The following TMEM132B variants were observed in gnomAD, a reference collection of about 807,000 sequenced individuals.
TMEM132B encodes the protein transmembrane protein 132B.
A neutral mutation model predicts 90.8 loss-of-function variants in TMEM132B; 18 were observed. The ratio of observed to expected loss-of-function variants is 0.20; its 90% CI spans 0.14 to 0.29. The LOEUF is 0.29. Among genes scored for constraint, TMEM132B ranks in the 10% least tolerant of loss-of-function variants. The pLI, the probability that TMEM132B is intolerant of heterozygous loss-of-function variation, is 1.00. For synonymous variants in TMEM132B, 504 were observed against 523.3 expected (o/e 0.96, Z 0.50); for missense variants, 1,096 against 1,326.8 (o/e 0.83, Z 2.70).
chr12:125,593,829 T>A (rs1319431963), intron 5 of TMEM132B, among the ~76,000 whole-genome samples: 1 of 152,200 alleles, frequency 6.6e-6, no homozygotes, highest in Non-Finnish European at 1.5e-5. Context: ...TAGACAACGG[T>A]ATGAATGGAT....
At chr12:125,377,465 T>G (rs1169441595) in intron 2 of TMEM132B, among the ~76,000 whole-genome samples, 1 of 152,126 alleles carries the variant, frequency 6.6e-6, no homozygotes, top group Non-Finnish European at 1.5e-5. Flanking sequence ...TTCCTAAATC[T>G]TGGACACTTC....
At chr12:125,439,814 T>G (rs1880815221) in intron 3 of TMEM132B, among the ~76,000 whole-genome samples, 1 of 152,230 alleles carries the variant, frequency 6.6e-6, no homozygotes, top group African/African-American at 2.4e-5. Flanking sequence ...TTGTCATAGA[T>G]GGCTATTATT....
Position 125,240,510 on chromosome 12 carries a change from C to G in TMEM132B, c.67+53644C>G, listed in dbSNP as rs536902426. ...GAAAAAGCAGAAACAAAAACAAACC[C>G]ACGTGAGCAAAACTTCTGGCCTTAG... On this transcript the variant is annotated intron_variant, in intron 1 of 8. Transcript: ENST00000682704. Among the ~76,000 whole-genome samples the G allele has an allele frequency of 3.3e-5, 5 of 152,212 alleles. No homozygotes were observed. The South Asian group carries it at 1.0e-3, about 32-fold the overall frequency.
chr12:125,518,550 A>G (rs1229756440), intron 3 of TMEM132B, among the ~76,000 whole-genome samples: 1 of 152,306 alleles, frequency 6.6e-6, no homozygotes, highest in Non-Finnish European at 1.5e-5. Flanking sequence ...AGGCTGATGG[A>G]TCAGGGTCAT....
intron 3 of TMEM132B, among the ~76,000 whole-genome samples, chr12:125,502,384 G>C (rs1281345971): frequency 6.6e-6 from 1 of 152,238 alleles, no homozygotes; most frequent in Non-Finnish European, 1.5e-5. Flanking sequence ...GGTTCAGCAG[G>C]AGGAATCTGA....
intron 1 of TMEM132B, among the ~76,000 whole-genome samples, chr12:125,267,889 A>G (rs764095020): frequency 6.6e-5 from 10 of 152,170 alleles, no homozygotes; most frequent in African/African-American, 2.4e-4. Context: ...GGACCAATCA[A>G]TATTCGTGTA....
chr12:125,591,431 C>T (rs1057334887), intron 5 of TMEM132B, among the ~76,000 whole-genome samples: 3 of 152,150 alleles, frequency 2.0e-5, no homozygotes, highest in African/African-American at 7.2e-5. Context: ...ATCATCACAT[C>T]GCCTTCTCTG....
At chr12:125,364,129 A>G (rs529860970) in intron 2 of TMEM132B, among the ~76,000 whole-genome samples, 5 of 152,308 alleles carry the variant, frequency 3.3e-5, no homozygotes, top group African/African-American at 1.2e-4. Flanking sequence ...CATCATAAAC[A>G]CCAATCAAGG....
In TMEM132B at chr12:125,515,860, CCT is replaced by C. The variant is rs559879963; in HGVS notation, c.1107-3578_1107-3577del. ...CACACACACACCTCCACACATTCTC[CCT>C]GTCACACACACTCATAGACATTCTC... On this transcript the variant is annotated intron_variant, in intron 3 of 8. Coordinates refer to ENST00000682704, the MANE Select transcript of TMEM132B (RefSeq NM_001366854.1). Among the ~76,000 whole-genome samples, 1,230 of 151,874 alleles carry C rather than the reference CCT, an allele frequency of 8.1e-3. 25 individuals are homozygous for C. The highest frequency in any genetic ancestry group is 0.029 in the African/African-American group (1,193 of 41,382).
intron 4 of TMEM132B, among the ~76,000 whole-genome samples, chr12:125,565,191 G>A (rs1227378419): frequency 6.6e-6 from 1 of 152,206 alleles, no homozygotes; most frequent in East Asian, 1.9e-4. Context: ...TTGCACCTGA[G>A]GCTTTACCCC....
In TMEM132B at chr12:125,406,448, C is replaced by T. The variant is rs726611; in HGVS notation, c.960-9083C>T. 0.6 allele frequency among the ~76,000 whole-genome samples: 90,934 copies of T among 152,042 alleles called. 28,393 individuals carry two copies. Among genetic ancestry groups the T allele is most frequent in the East Asian group, 0.81 (4,209 of 5,166 alleles). ...TCTTTTTCTACTGTGAAATGGGTACCGGGGAAAGGTGAGCCACAGTCTCAG... is the reference window on the plus strand; with the variant it reads ...TCTTTTTCTACTGTGAAATGGGTACTGGGGAAAGGTGAGCCACAGTCTCAG... On this transcript the variant is annotated intron_variant, in intron 2 of 8. Coordinates refer to ENST00000682704, the MANE Select transcript of TMEM132B (RefSeq NM_001366854.1). The surrounding 1 kb of genome is among the most constrained non-coding windows in gnomAD (Gnocchi z 8.3).
chr12:125,317,896 G>A (rs931015136), intron 1 of TMEM132B, among the ~76,000 whole-genome samples: 1 of 152,214 alleles, frequency 6.6e-6, no homozygotes, highest in African/African-American at 2.4e-5. Flanking sequence ...ACACGAAGAC[G>A]TGTGTGAGAA....
chr12:125,654,256 A>G lies in TMEM132B; in HGVS notation c.2798A>G (p.His933Arg). 3 of 1,614,106 alleles carry G rather than the reference A, an allele frequency of 1.9e-6. No individual in the cohort carries two copies. The highest frequency in any genetic ancestry group is 2.5e-6 in the Non-Finnish European group (3 of 1,180,038). ...NCVAFAWKYR[H>R]KRFAVSEQGN... ...GTGGCGTTTGCCTGGAAATACAGAC[A>G]CAAAAGGTTTGCTGTGAGTGAGCAG... Residue 933 changes from histidine (H) to arginine (R), a missense_variant, in exon 9 of 9, where the codon CAC becomes CGC. His to Arg is a conservative substitution (Grantham distance 29, BLOSUM62 0). Coordinates refer to ENST00000682704, the MANE Select transcript of TMEM132B (RefSeq NM_001366854.1). This position sits in a 1 kb window ranked among gnomAD's most constrained non-coding sequence, Gnocchi z 5.8.
At chr12:125,641,849 C>T (rs1420326912) in intron 5 of TMEM132B, among the ~76,000 whole-genome samples, 2 of 152,144 alleles carry the variant, frequency 1.3e-5, no homozygotes, top group African/African-American at 4.8e-5. Flanking sequence ...TAATTTTCCA[C>T]AAATGCAAGA....
intron 4 of TMEM132B, among the ~76,000 whole-genome samples, chr12:125,539,412 G>A (rs1336694980): frequency 6.6e-6 from 1 of 152,186 alleles, no homozygotes; most frequent in East Asian, 1.9e-4. Context: ...GGTCAGATGT[G>A]TTCCCCTCGA....
chr12:125,429,718 TA>T (rs113498717), intron 3 of TMEM132B, among the ~76,000 whole-genome samples: 1,793 of 152,280 alleles, frequency 0.012, 34 homozygotes, highest in African/African-American at 0.04. Context: ...GTTATAGGTT[TA>T]TTGGGAGGTA....
At chr12:125,508,818 G>A (rs61943466) in intron 3 of TMEM132B, among the ~76,000 whole-genome samples, 11,480 of 140,358 alleles carry the variant, frequency 0.082, 511 homozygotes, top group Non-Finnish European at 0.11. Flanking sequence ...TCACTCTGTC[G>A]CCCAGCCTGG....
intron 1 of TMEM132B, among the ~76,000 whole-genome samples, chr12:125,328,039 C>T (rs1876641280): frequency 6.6e-6 from 1 of 152,242 alleles, no homozygotes; most frequent in African/African-American, 2.4e-5. Flanking sequence ...CAAAGTCACC[C>T]TGCCCTTGGG....
At chr12:125,363,610 A>AGT (rs1289195698) in intron 2 of TMEM132B, among the ~76,000 whole-genome samples, 1 of 152,006 alleles carries the variant, frequency 6.6e-6, no homozygotes, top group South Asian at 2.1e-4. Flanking sequence ...CAGAATATTG[A>AGT]GTGTGTGTGT....
Sources: allele counts gnomAD v4.1 joint callset (sites outside exome capture counted in the v4.1 genomes callset), GRCh38; gene constraint gnomAD v4.1.1; non-coding constraint Gnocchi (gnomAD v3.1); transcripts MANE v1.5; gene names NCBI Gene and HGNC (gene_info 2026-07-23, HGNC 2026-07-21).